The following FPGS variants were observed in gnomAD, a reference collection of about 807,000 sequenced individuals.
FPGS encodes the protein folylpolyglutamate synthase, mitochondrial.
Under a neutral mutation model 66.5 loss-of-function variants are expected in FPGS, and 53 were observed. The ratio of observed to expected loss-of-function variants is 0.80; its 90% CI spans 0.64 to 1.00. The LOEUF (loss-of-function observed/expected upper bound fraction) is 1.00. FPGS is among the 50% of genes least tolerant of loss of function. The pLI is 0.00. For synonymous variants in FPGS, 348 were observed against 350.9 expected (o/e 0.99, Z 0.09); for missense variants, 702 against 807.7 (o/e 0.87, Z 1.59).
intron 4 of FPGS, 113 bp from the exon 5 acceptor site, chr9:127,806,860 C>T (rs2131847861): frequency 1.2e-5 from 9 of 770,512 alleles, no homozygotes; most frequent in East Asian, 2.5e-5. Context: ...AGGAACAAAC[C>T]GAGGGACACA....
Position 127,809,749 on chromosome 9 carries a change from C to G in FPGS, c.1126C>G (p.Leu376Val). 6.3e-7 allele frequency: 1 copy of G among 1,583,042 alleles called. No homozygotes were observed. The highest frequency in any genetic ancestry group is 1.1e-5 in the South Asian group (1 of 89,938). Reference protein sequence around the residue: ...VLRRGPLTWYLDGAHTASSAQ... With the variant: ...VLRRGPLTWYVDGAHTASSAQ... ...GCGGCGCGGGCCCCTCACCTGGTAC[C>G]TGGACGGTGCGCACACCGCCAGCAG... Residue 376 changes from leucine to valine, a missense_variant, in exon 12 of 15, where the codon CTG becomes GTG. By Grantham distance (32) the Leu-to-Val change is conservative. This residue lies in a region of FPGS where 351 missense variants were observed against 363.7 expected (regional missense o/e 0.97). Transcript: ENST00000373247.
chr9:127,807,142 C>T lies in FPGS; in HGVS notation c.501+55C>T, dbSNP rs1588554915. On this transcript the variant is annotated intron_variant, in intron 5 of 14. Coordinates refer to ENST00000373247, the MANE Select transcript of FPGS (RefSeq NM_004957.6). The surrounding 1 kb of genome is among the most constrained non-coding windows in gnomAD (Gnocchi z 5.8). ...GTATGGTTGGGGGTGCTACGTGTTC[C>T]AGCACCCCATCTCCCCAGAGAAGGG... 1.9e-6 allele frequency: 3 copies of T among 1,604,032 alleles called. No individual in the cohort carries two copies. Among genetic ancestry groups the T allele is most frequent in the Non-Finnish European group, 1.7e-6 (2 of 1,170,960 alleles).
In FPGS at chr9:127,808,229, C is replaced by A; in HGVS notation, c.745-5C>A. The A allele has an allele frequency of 6.2e-7, 1 of 1,613,130 alleles. No homozygotes were observed. The highest frequency in any genetic ancestry group is 8.5e-7 in the Non-Finnish European group (1 of 1,179,132). ...GCCCTTTCTCTCTCCTTCTTCCCTC[C>A]ACAGCAAGGTGTCCCTGCCTTCACT... On this transcript the variant is annotated splice_region_variant and splice_polypyrimidine_tract_variant and intron_variant, in intron 8 of 14. Transcript: ENST00000373247.
Position 127,803,040 on chromosome 9 carries a change from A to G in FPGS, c.116A>G (p.Gln39Arg), listed in dbSNP as rs1184998322. 6.9e-7 allele frequency: 1 copy of G among 1,439,880 alleles called. No individual in the cohort carries two copies. The highest frequency in any genetic ancestry group is 9.0e-7 in the Non-Finnish European group (1 of 1,105,936). 89.2% of individuals were successfully genotyped at this position (1,439,880 alleles called of 1,614,324 possible). A position where few individuals can be genotyped will look rare whatever the true frequency, so the allele number is the denominator to read the frequency against. The change falls in exon 1 of 15, where the codon CAG becomes CGG. Residue 39 changes from glutamine to arginine, a missense_variant. Gln to Arg is a conservative substitution (Grantham distance 43). Around this residue, in one of 3 missense-constraint regions of FPGS, gnomAD observed 111 missense variants for 95.4 expected, o/e 1.16. Transcript: ENST00000373247. ...GGCTTGAGCGCGTGGCCGGTGCCGC[A>G]GGAGCCGAGCATGGAGTACCAGGTA... Reference protein sequence around the residue: ...RRGLSAWPVPQEPSMEYQDAV... With the variant: ...RRGLSAWPVPREPSMEYQDAV...
chr9:127,809,960 G>GCGGGGA (rs1452308623), intron 12 of FPGS, 71 bp from the exon 13 acceptor site: 7 of 1,472,358 alleles, frequency 4.8e-6, no homozygotes, highest in Non-Finnish European at 6.5e-6. Flanking sequence ...GGGGTCGTGG[G>GCGGGGA]CGGGGACGGG....
intron 11 of FPGS, 40 bp downstream of exon 11, chr9:127,808,929 T>G: frequency 7.6e-6 from 10 of 1,313,004 alleles, no homozygotes; most frequent in East Asian, 2.5e-5. Context: ...CCACTGCGTG[T>G]GTCTGTGCCC....
At chr9:127,804,890 ATTTTT>A in intron 4 of FPGS, 190 bp downstream of exon 4, 1 of 483,952 alleles carries the variant, frequency 2.1e-6, no homozygotes, top group Non-Finnish European at 3.7e-6. Flanking sequence ...GCAACCTTTA[ATTTTT>A]TTTTTTTTTT....
chr9:127,804,636 G>A lies in FPGS; in HGVS notation c.322G>A (p.Gly108Ser). The change falls in exon 4 of 15, where the codon GGC becomes AGC. Residue 108 changes from glycine to serine, a missense_variant and splice_region_variant. This residue lies in a region of FPGS where 240 missense variants were observed against 348.6 expected (regional missense o/e 0.69). Coordinates refer to ENST00000373247, the MANE Select transcript of FPGS (RefSeq NM_004957.6). ...IIHVTGTKGK[G>S]STCAFTECIL... ...CCCAGACAATCCCTTTTCTTTCAAG[G>A]GCTCCACCTGTGCCTTCACGGAATG... 4 of 1,614,102 alleles carry A rather than the reference G, an allele frequency of 2.5e-6. No individual in the cohort carries two copies. The highest frequency in any genetic ancestry group is 3.4e-6 in the Non-Finnish European group (4 of 1,179,998).
chr9:127,809,955 C>A, intron 12 of FPGS, 76 bp from the exon 13 acceptor site: 2 of 463,564 alleles, frequency 4.3e-6, no homozygotes, highest in Non-Finnish European at 7.4e-6. Context: ...GGGGCGGGGT[C>A]GTGGGCGGGG....
In FPGS at chr9:127,813,670, A is replaced by G. The variant is rs1295636898; in HGVS notation, c.*66A>G. On this transcript the variant is annotated 3_prime_UTR_variant, in exon 15 of 15. Coordinates refer to ENST00000373247, the MANE Select transcript of FPGS (RefSeq NM_004957.6). Reference sequence around the variant, plus strand: ...CTGCGTTCTCCCCATGAACTTACATACTAGGTGCCTTTTGTTTTTGGCTTT... The same window carrying G: ...CTGCGTTCTCCCCATGAACTTACATGCTAGGTGCCTTTTGTTTTTGGCTTT... 1.2e-5 allele frequency: 17 copies of G among 1,463,300 alleles called. No individual in the cohort carries two copies. The South Asian group carries it at 1.6e-4, about 14-fold the overall frequency. 90.6% of individuals were successfully genotyped at this position (1,463,300 alleles called of 1,614,324 possible).
chr9:127,803,052 T>C lies in FPGS; in HGVS notation c.128T>C (p.Met43Thr). ...TGGCCGGTGCCGCAGGAGCCGAGCA[T>C]GGAGTACCAGGTATCAGGCGGGCCA... ...SAWPVPQEPS[M>T]EYQDAVRMLN... Residue 43 changes from methionine to threonine, a missense_variant, in exon 1 of 15, where the codon ATG (methionine) becomes ACG (threonine). Met to Thr is a moderately conservative substitution (Grantham distance 81). This residue lies in a region of FPGS where 111 missense variants were observed against 95.4 expected (regional missense o/e 1.16). Transcript: ENST00000373247. 7.0e-7 allele frequency: 1 copy of C among 1,426,638 alleles called. No homozygotes were observed. The highest frequency in any genetic ancestry group is 9.1e-7 in the Non-Finnish European group (1 of 1,098,344). 88.4% of individuals were successfully genotyped at this position (1,426,638 alleles called of 1,614,324 possible). A position where few individuals can be genotyped will look rare whatever the true frequency, so the allele number is the denominator to read the frequency against.
chr9:127,804,005 C>T (rs764884200), intron 1 of FPGS, among the ~76,000 whole-genome samples: 49 of 152,346 alleles, frequency 3.2e-4, no homozygotes, highest in Non-Finnish European at 1.5e-5. Flanking sequence ...GTCGGGGGAG[C>T]CTGGGCAGGA....
At chr9:127,810,207 T>C in intron 13 of FPGS, 101 bp downstream of exon 13, 1 of 1,012,716 alleles carries the variant, frequency 9.9e-7, no homozygotes, top group Non-Finnish European at 1.5e-6. Flanking sequence ...TGAGTTGTAT[T>C]GAGGATTAGA....
rs181584574 is a variant in FPGS at position 127,811,069 on chromosome 9, G to C, written c.1354+58G>C. ...AGCAGGGGTCCCTGAGGTAGACAGT[G>C]GGGGCTTCCAAACTGGAGGTTTGGG... On this transcript the variant is annotated intron_variant, in intron 14 of 14. Coordinates refer to ENST00000373247, the MANE Select transcript of FPGS (RefSeq NM_004957.6). 742 of 1,021,546 alleles carry C rather than the reference G, an allele frequency of 7.3e-4. 3 individuals are homozygous for C. The African/African-American group carries it at 0.011, about 15-fold the overall frequency. The allele number at this position is 1,021,546 out of a possible 1,614,324, so 63.3% of individuals were successfully genotyped here.
chr9:127,809,874 C>A, intron 12 of FPGS, 40 bp downstream of exon 12: 1 of 907,514 alleles, frequency 1.1e-6, no homozygotes. Flanking sequence ...GGCTGGCCCA[C>A]GAGGAGGGGC....
At position 127,803,009 on chromosome 9, in the gene FPGS, C is replaced by A. The variant is rs866970380; in HGVS notation, c.85C>A (p.Arg29=). Residue 29 remains arginine (R), a synonymous_variant, in exon 1 of 15, where the codon CGG becomes AGG. Transcript: ENST00000373247. Reference sequence around the variant, plus strand: ...CGGCATAACGACCCAGGTCGCGGCGCGGCGGGGCTTGAGCGCGTGGCCGGT... The same window carrying A: ...CGGCATAACGACCCAGGTCGCGGCGAGGCGGGGCTTGAGCGCGTGGCCGGT... ...ARGITTQVAA[R]RGLSAWPVPQ... 8.2e-6 allele frequency: 12 copies of A among 1,465,714 alleles called. No individual in the cohort carries two copies. In the Middle Eastern group the frequency reaches 7.2e-4, roughly 88 times the overall value. The allele number at this position is 1,465,714 out of a possible 1,614,324, so 90.8% of individuals were successfully genotyped here.
At chr9:127,808,752 G>C (rs1188591943) in intron 10 of FPGS, 47 bp downstream of exon 10, 1 of 1,558,098 alleles carries the variant, frequency 6.4e-7, no homozygotes, top group Non-Finnish European at 8.7e-7. Flanking sequence ...CACCTGTGGA[G>C]CCTGCCTAGG....
At chr9:127,809,025 G>A in intron 11 of FPGS, 136 bp downstream of exon 11, 1 of 689,628 alleles carries the variant, frequency 1.5e-6, no homozygotes, top group African/African-American at 1.9e-5. Context: ...AAAGGACTCT[G>A]ATGTCAGCAA....
At chr9:127,809,319 C>T (rs987302450) in intron 11 of FPGS, among the ~76,000 whole-genome samples, 2 of 152,206 alleles carry the variant, frequency 1.3e-5, no homozygotes, top group African/African-American at 4.8e-5. Context: ...AGCAGGTGCT[C>T]ATGCTGTTAA....
Sources: allele counts gnomAD v4.1 joint callset (sites outside exome capture counted in the v4.1 genomes callset), GRCh38; gene constraint gnomAD v4.1.1; regional missense constraint gnomAD v4.1.1; non-coding constraint Gnocchi (gnomAD v3.1); transcripts MANE v1.5; gene names NCBI Gene and HGNC (gene_info 2026-07-23, HGNC 2026-07-21).